The following C12orf42 variants were observed in gnomAD, a reference collection of about 807,000 sequenced individuals.
C12orf42 encodes the protein uncharacterized protein C12orf42.
A neutral mutation model predicts 21.6 loss-of-function variants in C12orf42; 25 were observed. That is an observed-to-expected ratio of 1.16 (90% CI 0.84 to 1.62). C12orf42 has a LOEUF of 1.62. C12orf42 is among the 40% of genes most tolerant of loss of function. C12orf42 has a pLI of 0.00. For synonymous variants in C12orf42, 174 were observed against 175.0 expected (o/e 0.99, Z 0.05); for missense variants, 483 against 459.3 (o/e 1.05, Z -0.47).
chr12:103,319,628 T>C (rs1358897671), intron 4 of C12orf42, among the ~76,000 whole-genome samples: 4 of 152,242 alleles, frequency 2.6e-5, no homozygotes, highest in African/African-American at 9.6e-5. Context: ...TAAGTATTGT[T>C]TCAGAACCAA....
chr12:103,129,319 G>A, the C12orf42 span, among the ~76,000 whole-genome samples: 5 of 152,144 alleles, frequency 3.3e-5, no homozygotes, highest in East Asian at 1.9e-4. Context: ...TGATCCCAGC[G>A]TGTTATGCTA....
At chr12:103,103,075 C>T in the C12orf42 span, among the ~76,000 whole-genome samples, 2 of 152,208 alleles carry the variant, frequency 1.3e-5, no homozygotes, top group Non-Finnish European at 2.9e-5. Flanking sequence ...TATGCTAAGA[C>T]AGTCTTAGAC....
intron 3 of C12orf42, among the ~76,000 whole-genome samples, chr12:103,375,542 G>A (rs374955901): frequency 2.6e-5 from 4 of 152,108 alleles, no homozygotes; most frequent in Middle Eastern, 6.8e-3. Context: ...CCCAAAAAAC[G>A]GCTTATGATC....
At chr12:103,412,072 G>A (rs1041498165) in intron 2 of C12orf42, among the ~76,000 whole-genome samples, 6 of 152,134 alleles carry the variant, frequency 3.9e-5, no homozygotes, top group African/African-American at 1.4e-4. Flanking sequence ...GCCACATCAG[G>A]ACTTGCAACC....
In C12orf42 at chr12:103,271,455, A is replaced by G. The variant is rs59233208; in HGVS notation, n.399-1602T>C. Reference sequence around the variant, plus strand: ...CAAGAAAGTGCAATGGGAAGGAGTGAGACCTATCAGCTGTGATGCTGGTTC... The same window carrying G: ...CAAGAAAGTGCAATGGGAAGGAGTGGGACCTATCAGCTGTGATGCTGGTTC... On this transcript the variant is annotated intron_variant and non_coding_transcript_variant, in intron 5 of 6. Coordinates refer to the C12orf42 transcript ENST00000546526. 5.7e-3 allele frequency among the ~76,000 whole-genome samples: 867 copies of G among 152,260 alleles called. 4 individuals are homozygous for G. Among genetic ancestry groups the G allele is most frequent in the African/African-American group, 0.02 (821 of 41,566 alleles).
At chr12:103,359,999 T>C (rs1200250643) in intron 4 of C12orf42, among the ~76,000 whole-genome samples, 1 of 151,712 alleles carries the variant, frequency 6.6e-6, no homozygotes, top group African/African-American at 2.4e-5. Context: ...TTTCCCTTAC[T>C]GCCATATCCA....
intron 3 of C12orf42, among the ~76,000 whole-genome samples, chr12:103,376,410 G>A (rs1278792179): frequency 6.6e-6 from 1 of 152,010 alleles, no homozygotes; most frequent in African/African-American, 2.4e-5. Context: ...CTGTCGAGGG[G>A]TGGGGGGCAA....
the C12orf42 span, among the ~76,000 whole-genome samples, chr12:103,534,761 C>T: frequency 0.22 from 32,871 of 152,088 alleles, 3,933 homozygotes; most frequent in Non-Finnish European, 0.27. Flanking sequence ...CCCTTTTGCT[C>T]AGACTATCTT....
intron 2 of C12orf42, among the ~76,000 whole-genome samples, chr12:103,469,632 T>C (rs965755711): frequency 2.6e-5 from 4 of 152,204 alleles, no homozygotes; most frequent in Non-Finnish European, 4.4e-5. Context: ...TGAACATCCT[T>C]ATACAGAAAT....
At chr12:103,459,646 C>A (rs1172194091) in intron 2 of C12orf42, among the ~76,000 whole-genome samples, 1 of 152,174 alleles carries the variant, frequency 6.6e-6, no homozygotes, top group Non-Finnish European at 1.5e-5. Context: ...TCAAATATTT[C>A]TTCACAGAAA....
chr12:103,329,740 A>G (rs1237645630), intron 4 of C12orf42, among the ~76,000 whole-genome samples: 2 of 152,138 alleles, frequency 1.3e-5, no homozygotes, highest in East Asian at 3.9e-4. Context: ...TGGCAAAGAA[A>G]AGACAAGGAA....
At chr12:103,265,485 A>C (rs1443733541), downstream of C12orf42, among the ~76,000 whole-genome samples, 1 of 152,170 alleles carries the variant, frequency 6.6e-6, no homozygotes, top group East Asian at 1.9e-4. Context: ...AGAATTGTGT[A>C]ATAAAATAAA....
At chr12:103,146,567 A>AGAAAGAAAGAAAGAAT in the C12orf42 span, among the ~76,000 whole-genome samples, 1 of 140,336 alleles carries the variant, frequency 7.1e-6, no homozygotes, top group Admixed American at 6.9e-5. Flanking sequence ...AAGAAAAGAA[A>AGAAAGAAAGAAAGAAT]GAAAGAAAGA....
At chr12:103,110,816 T>C in the C12orf42 span, among the ~76,000 whole-genome samples, 1 of 152,216 alleles carries the variant, frequency 6.6e-6, no homozygotes, top group Non-Finnish European at 1.5e-5. Flanking sequence ...AAGACAGATT[T>C]GGCAAGGGTT....
the C12orf42 span, among the ~76,000 whole-genome samples, chr12:103,113,247 A>G: frequency 6.6e-6 from 1 of 152,168 alleles, no homozygotes; most frequent in Non-Finnish European, 1.5e-5. Context: ...ATACTGAGAT[A>G]TGAGTGGTAG....
chr12:103,328,588 C>T (rs867196255), intron 4 of C12orf42, among the ~76,000 whole-genome samples: 3 of 152,156 alleles, frequency 2.0e-5, no homozygotes, highest in African/African-American at 7.2e-5. Context: ...TTCTCCTCCC[C>T]CAAAACTCAA....
chr12:103,337,703 T>C (rs1200829602), intron 4 of C12orf42, among the ~76,000 whole-genome samples: 1 of 152,060 alleles, frequency 6.6e-6, no homozygotes, highest in African/African-American at 2.4e-5. Flanking sequence ...GGGTATCCTT[T>C]AATAAGCCAC....
the C12orf42 span, among the ~76,000 whole-genome samples, chr12:103,170,259 A>C: frequency 6.6e-6 from 1 of 152,162 alleles, no homozygotes; most frequent in Non-Finnish European, 1.5e-5. Context: ...AATAGCCTGC[A>C]TATGCTAATA....
the C12orf42 span, among the ~76,000 whole-genome samples, chr12:103,536,938 C>A: frequency 2.0e-5 from 3 of 152,066 alleles, no homozygotes; most frequent in African/African-American, 7.2e-5. Flanking sequence ...ATAGTGTCTA[C>A]CTTTTTTAAT....
Sources: gnomAD v4.1 joint callset for allele counts (sites outside exome capture counted in the v4.1 genomes callset) on GRCh38, gnomAD v4.1.1 for gene constraint, MANE v1.5 for transcripts, NCBI Gene and HGNC (gene_info 2026-07-23, HGNC 2026-07-21) for gene names.